Variants in SMIM27 observed in about 807,000 individuals in gnomAD.
The protein encoded by SMIM27 is TOPORS antisense RNA 1 (non-protein coding).
Under a neutral mutation model 1.8 loss-of-function variants are expected in SMIM27, and 3 were observed. The observed-to-expected ratio is 1.65, with a 90% CI of 0.75 to 4.28. The LOEUF is 4.28. SMIM27 is among the 30% of genes most tolerant of loss of function. SMIM27 has a pLI of 0.02. For synonymous variants in SMIM27, 19 were observed against 13.9 expected (o/e 1.37, Z -0.82); for missense variants, 63 against 37.0 (o/e 1.70, Z -1.83).
chr9:32,557,968 G>C (rs560740069), downstream of SMIM27, among the ~76,000 whole-genome samples: 12 of 152,284 alleles, frequency 7.9e-5, no homozygotes, highest in South Asian at 2.5e-3. Context: ...TCTGTGACTA[G>C]AAATAGACAA....
chr9:32,552,494 T>C lies in SMIM27; in HGVS notation c.45+15T>C. The C allele has an allele frequency of 6.3e-7, 1 of 1,578,768 alleles. No individual in the cohort carries two copies. The highest frequency in any genetic ancestry group is 1.3e-5 in the African/African-American group (1 of 74,400). On this transcript the variant is annotated intron_variant, in intron 1 of 1. Coordinates refer to ENST00000692500, the MANE Select transcript of SMIM27 (RefSeq NM_001387564.1). ...TTTATTCAGTGGTAAGTCCCGGGGA[T>C]CGCGGGCCCCCACCGTGTCGACTCA...
intron 1 of SMIM27, among the ~76,000 whole-genome samples, chr9:32,564,916 A>G (rs1412440066): frequency 1.3e-5 from 2 of 152,244 alleles, no homozygotes; most frequent in African/African-American, 4.8e-5. Context: ...TGGCCTAGAA[A>G]AACGGCAGTT....
At chr9:32,564,973 G>A (rs778003373) in intron 1 of SMIM27, among the ~76,000 whole-genome samples, 1 of 152,162 alleles carries the variant, frequency 6.6e-6, no homozygotes, top group Non-Finnish European at 1.5e-5. Context: ...TAGACATTGG[G>A]AGGTTTCCTA....
intron 1 of SMIM27, chr9:32,566,252 C>T (rs1821786347): frequency 9.6e-7 from 1 of 1,038,846 alleles, no homozygotes; most frequent in Non-Finnish European, 1.5e-6. Flanking sequence ...TTATGGCAGA[C>T]AACACTAATT....
intron 1 of SMIM27, among the ~76,000 whole-genome samples, chr9:32,564,420 G>A (rs536485435): frequency 4.0e-5 from 6 of 151,826 alleles, no homozygotes; most frequent in African/African-American, 1.2e-4. Flanking sequence ...CCCGAGACAA[G>A]CAACTCTATC....
chr9:32,558,800 A>T lies in SMIM27; in HGVS notation c.45+6321A>T, dbSNP rs112557276. ...AAGAATACACAAAACAGGGACTTAA[A>T]CCGAAAGTGAGAAGGAAAGAACATT... On this transcript the variant is annotated intron_variant, in intron 1 of 1. Coordinates refer to the SMIM27 transcript ENST00000451672. 5.0e-3 allele frequency: 3,717 copies of T among 742,726 alleles called. 82 individuals are homozygous for T. In the African/African-American group the frequency reaches 0.055, roughly 11 times the overall value. The allele number at this position is 742,726 out of a possible 1,614,324, so 46.0% of individuals were successfully genotyped here.
At position 32,552,374 on chromosome 9, in the gene SMIM27, G is replaced by A. The variant is rs749485919; in HGVS notation, c.-61G>A. The A allele has an allele frequency of 8.7e-6, 14 of 1,600,036 alleles. No individual in the cohort carries two copies. The South Asian group carries it at 1.5e-4, about 17-fold the overall frequency. On this transcript the variant is annotated 5_prime_UTR_variant, in exon 1 of 2. Coordinates refer to ENST00000692500, the MANE Select transcript of SMIM27 (RefSeq NM_001387564.1). ...CTGGCGCCTGGCAGCCACCGCCTGG[G>A]AGGTTACTGTAAGGCCCGCAGCTCC... is the stretch of plus-strand genomic sequence containing the variant.
downstream of SMIM27, chr9:32,553,629 A>G (rs1016253357): frequency 2.9e-5 from 13 of 446,248 alleles, no homozygotes; most frequent in East Asian, 4.3e-5. Flanking sequence ...GTAACTAAAT[A>G]CTTTTCCATA....
chr9:32,566,078 A>T (rs1045462585), intron 1 of SMIM27: 28 of 445,964 alleles, frequency 6.3e-5, no homozygotes, highest in Middle Eastern at 5.1e-4. Flanking sequence ...ACCAAAAAAA[A>T]AAAAAGGCAC....
At chr9:32,553,599 A>G, downstream of SMIM27, 1 of 377,044 alleles carries the variant, frequency 2.7e-6, no homozygotes, top group East Asian at 6.0e-5. Context: ...GTACTGTGTA[A>G]GAAAAAAACA....
At chr9:32,565,619 A>T (rs1273659239) in intron 1 of SMIM27, 1 of 152,656 alleles carries the variant, frequency 6.6e-6, no homozygotes, top group East Asian at 1.9e-4. Flanking sequence ...GACGACTCAC[A>T]AGACATCCAG....
chr9:32,566,429 T>A, exon 2 of SMIM27: 1 of 846,066 alleles, frequency 1.2e-6, no homozygotes, highest in Non-Finnish European at 2.1e-6. Context: ...TCCCTGTTAC[T>A]GTAGGGGTTG....
At chr9:32,563,970 T>C (rs1391495240) in intron 1 of SMIM27, among the ~76,000 whole-genome samples, 1 of 152,176 alleles carries the variant, frequency 6.6e-6, no homozygotes, top group Admixed American at 6.5e-5. Flanking sequence ...TTATACTTTC[T>C]CTCCTCCCGC....
chr9:32,553,655 A>G, downstream of SMIM27: 4 of 503,074 alleles, frequency 8.0e-6, no homozygotes, highest in Non-Finnish European at 1.4e-5. Context: ...TTCCAAGTCA[A>G]GAATGACCAG....
chr9:32,564,174 C>T (rs565814994), intron 1 of SMIM27, among the ~76,000 whole-genome samples: 232 of 152,294 alleles, frequency 1.5e-3, no homozygotes, highest in African/African-American at 5.0e-3. Flanking sequence ...ATATCTATTT[C>T]TAGGTCTATC....
At chr9:32,559,402 A>C (rs1821565194) in intron 1 of SMIM27, among the ~76,000 whole-genome samples, 1 of 152,238 alleles carries the variant, frequency 6.6e-6, no homozygotes, top group Admixed American at 6.5e-5. Context: ...TATGCAAATG[A>C]AAAGTCTATT....
chr9:32,566,283 A>T, intron 1 of SMIM27: 1 of 1,154,726 alleles, frequency 8.7e-7, no homozygotes, highest in Non-Finnish European at 1.3e-6. Context: ...TGAGGTAGAA[A>T]GCAGGCCATA....
chr9:32,551,888 C>T (rs1436893253), upstream of SMIM27: 4 of 381,306 alleles, frequency 1.0e-5, no homozygotes, highest in South Asian at 1.8e-5. Context: ...TACAGGGGTT[C>T]CCACAACGAT....
At chr9:32,553,195 A>T, downstream of SMIM27, 2 of 303,326 alleles carry the variant, frequency 6.6e-6, no homozygotes, top group Non-Finnish European at 6.1e-6. Flanking sequence ...AATGATTCGG[A>T]AAGCTTTTTT....
Sources: allele counts gnomAD v4.1 joint callset (sites outside exome capture counted in the v4.1 genomes callset), GRCh38; gene constraint gnomAD v4.1.1; transcripts MANE v1.5; gene names NCBI Gene and HGNC (gene_info 2026-07-23, HGNC 2026-07-21).